The following NPFFR2 variants were observed in gnomAD, a reference collection of about 807,000 sequenced individuals.
NPFFR2 encodes the protein neuropeptide FF receptor 2, also known as G-protein coupled receptor 74.
NPFFR2 carries 15 observed loss-of-function variants against 13.1 expected under a neutral mutation model. The observed-to-expected ratio is 1.15, with a 90% CI of 0.77 to 1.76. The LOEUF is 1.76. Among genes scored for constraint, NPFFR2 ranks in the 40% most tolerant of loss-of-function variants. NPFFR2 has a pLI of 0.00. For missense variants in NPFFR2, 572 were observed against 503.5 expected (o/e 1.14, Z -1.30); for synonymous variants, 190 against 175.7 (o/e 1.08, Z -0.65).
intron 1 of NPFFR2, among the ~76,000 whole-genome samples, chr4:72,066,465 TAAAAGTC>T (rs1426460249): frequency 2.0e-5 from 3 of 152,142 alleles, no homozygotes; most frequent in East Asian, 1.9e-4. Flanking sequence ...AGTATCAACT[TAAAAGTC>T]TAAAGTCCAA....
intron 1 of NPFFR2, among the ~76,000 whole-genome samples, chr4:72,052,480 T>C (rs1372277323): frequency 1.3e-5 from 2 of 151,738 alleles, no homozygotes; most frequent in Non-Finnish European, 2.9e-5. Context: ...AAATTAGGTA[T>C]TGATGGGAAG....
intron 1 of NPFFR2, among the ~76,000 whole-genome samples, chr4:72,104,033 G>T (rs568994116): frequency 6.6e-6 from 1 of 152,158 alleles, no homozygotes; most frequent in East Asian, 1.9e-4. Flanking sequence ...GAGCAGTTTA[G>T]CTGTAGTTCC....
At chr4:72,062,673 T>A (rs4485793) in intron 1 of NPFFR2, among the ~76,000 whole-genome samples, 135,425 of 151,906 alleles carry the variant, frequency 0.89, 61,463 homozygotes, top group Non-Finnish European at 0.98. Flanking sequence ...CCCAACAAAA[T>A]GTAATGGTAC....
chr4:72,053,344 A>G (rs942932604), intron 1 of NPFFR2, among the ~76,000 whole-genome samples: 1 of 151,892 alleles, frequency 6.6e-6, no homozygotes, highest in African/African-American at 2.4e-5. Flanking sequence ...GGAAGAGATA[A>G]TGAGAGAACA....
In NPFFR2 at chr4:72,136,355, C is replaced by T. The variant is rs183279016; in HGVS notation, c.329-1685C>T. 1.4e-4 allele frequency among the ~76,000 whole-genome samples: 21 copies of T among 152,148 alleles called. No individual in the cohort carries two copies. In the East Asian group the frequency reaches 4.1e-3, roughly 29 times the overall value. ...CATGATCACGCCACTGCACTCCACC[C>T]TGTCTCAAAACAAAGAAACAAACAA... On this transcript the variant is annotated intron_variant, in intron 2 of 3. Transcript: ENST00000308744.
chr4:72,098,808 C>A (rs1057085490), intron 1 of NPFFR2, among the ~76,000 whole-genome samples: 5 of 152,088 alleles, frequency 3.3e-5, no homozygotes, highest in African/African-American at 1.2e-4. Flanking sequence ...GGGAAATGGG[C>A]AATTACAATA....
intron 1 of NPFFR2, among the ~76,000 whole-genome samples, chr4:72,122,135 CAA>C (rs1721901619): frequency 1.3e-5 from 2 of 151,454 alleles, no homozygotes; most frequent in Non-Finnish European, 2.9e-5. Flanking sequence ...TTTAAACTGA[CAA>C]AGATCAAAAA....
chr4:72,125,126 G>T (rs1722000482), intron 1 of NPFFR2, among the ~76,000 whole-genome samples: 1 of 152,180 alleles, frequency 6.6e-6, no homozygotes, highest in South Asian at 2.1e-4. Flanking sequence ...GATACGAACA[G>T]ACACTTCTCA....
chr4:72,067,381 GC>G (rs1720105902), intron 1 of NPFFR2, among the ~76,000 whole-genome samples: 1 of 152,138 alleles, frequency 6.6e-6, no homozygotes, highest in African/African-American at 2.4e-5. Context: ...TGTTCTCAAG[GC>G]CTAGCACTCT....
chr4:72,102,178 T>C (rs1349341977), intron 1 of NPFFR2, among the ~76,000 whole-genome samples: 1 of 152,110 alleles, frequency 6.6e-6, no homozygotes, highest in Non-Finnish European at 1.5e-5. Flanking sequence ...AAAAGCTGAT[T>C]ATCAAGAATT....
At chr4:72,060,576 T>G (rs1227240584) in intron 1 of NPFFR2, among the ~76,000 whole-genome samples, 1 of 152,146 alleles carries the variant, frequency 6.6e-6, no homozygotes, top group Non-Finnish European at 1.5e-5. Flanking sequence ...AGATTAATGT[T>G]GAATTTAATG....
chr4:72,043,488 G>A (rs1410422772), intron 1 of NPFFR2, among the ~76,000 whole-genome samples: 1 of 152,258 alleles, frequency 6.6e-6, no homozygotes. Context: ...GCCCTGCGAA[G>A]CCACAGGGGT....
At chr4:72,042,606 TG>T (rs1461351817) in intron 1 of NPFFR2, among the ~76,000 whole-genome samples, 1 of 152,104 alleles carries the variant, frequency 6.6e-6, no homozygotes, top group Non-Finnish European at 1.5e-5. Context: ...AATCTGAGAT[TG>T]AGATGAGGAA....
Position 72,147,719 on chromosome 4 carries a change from G to T in NPFFR2, c.1170G>T (p.Gly390=). 6.2e-7 allele frequency: 1 copy of T among 1,612,560 alleles called. No homozygotes were observed. The highest frequency in any genetic ancestry group is 1.7e-5 in the Admixed American group (1 of 59,632). The change falls in exon 4 of 4, where the codon GGG becomes GGT. Residue 390 remains glycine, a synonymous_variant. Transcript: ENST00000308744. ...VQESTFQNPH[G]ETLLYRKSAE... ...AATCTACATTTCAAAACCCTCATGG[G>T]GAAACCTTGCTTTATAGGAAAAGTG...
intron 3 of NPFFR2, among the ~76,000 whole-genome samples, chr4:72,140,582 A>G (rs1384539555): frequency 1.3e-5 from 2 of 152,164 alleles, no homozygotes; most frequent in African/African-American, 4.8e-5. Context: ...CATATGTTGA[A>G]CCAGCCTTGC....
At chr4:72,045,210 A>G (rs1222766812) in intron 1 of NPFFR2, among the ~76,000 whole-genome samples, 1 of 152,114 alleles carries the variant, frequency 6.6e-6, no homozygotes, top group African/African-American at 2.4e-5. Flanking sequence ...TATCTGATAT[A>G]CTGATTTTGT....
intron 1 of NPFFR2, among the ~76,000 whole-genome samples, chr4:72,081,491 G>GTT (rs11435353): frequency 0.28 from 40,320 of 143,738 alleles, 7,258 homozygotes; most frequent in East Asian, 0.76. Context: ...TTTAAGAATT[G>GTT]TTTTTTTTTT....
intron 1 of NPFFR2, among the ~76,000 whole-genome samples, chr4:72,086,437 C>A (rs899130247): frequency 6.6e-6 from 1 of 152,000 alleles, no homozygotes; most frequent in African/African-American, 2.4e-5. Flanking sequence ...ATTTTTGCCA[C>A]CTATAGTGCT....
chr4:72,091,377 T>G (rs1275605984), intron 1 of NPFFR2, among the ~76,000 whole-genome samples: 1 of 152,154 alleles, frequency 6.6e-6, no homozygotes, highest in Non-Finnish European at 1.5e-5. Flanking sequence ...TCTTTCTCTA[T>G]CTCTTGGAAT....
Sources: allele counts gnomAD v4.1 joint callset (sites outside exome capture counted in the v4.1 genomes callset), GRCh38; gene constraint gnomAD v4.1.1; transcripts MANE v1.5; gene names NCBI Gene and HGNC (gene_info 2026-07-23, HGNC 2026-07-21).